Variants in ARHGEF10 observed in about 807,000 individuals in gnomAD.
ARHGEF10 encodes Rho guanine nucleotide exchange factor (GEF) 10.
Under a neutral mutation model 147.4 loss-of-function variants are expected in ARHGEF10, and 140 were observed. The ratio of observed to expected loss-of-function variants is 0.95; its 90% confidence interval spans 0.83 to 1.09. The LOEUF (loss-of-function observed/expected upper bound fraction) is 1.09, where lower values mean the gene tolerates loss of function less well. ARHGEF10 is among the 50% of genes least tolerant of loss of function. ARHGEF10 has a pLI of 0.00. For missense variants in ARHGEF10, 2,222 were observed against 1,752.7 expected (o/e 1.27, Z -4.78); for synonymous variants, 902 against 695.8 (o/e 1.30, Z -4.67).
chr8:1,883,541 G>A (rs1370543232), intron 10 of ARHGEF10, among the ~76,000 whole-genome samples: 1 of 152,170 alleles, frequency 6.6e-6, no homozygotes, highest in Non-Finnish European at 1.5e-5. Flanking sequence ...CCTCGGATAC[G>A]ATGTGTAATT....
At chr8:1,926,521 G>T in intron 23 of ARHGEF10, 58 bp downstream of exon 23, 1 of 1,494,504 alleles carries the variant, frequency 6.7e-7, no homozygotes. Flanking sequence ...GTTCATGGTC[G>T]GTGTGATGAG....
chr8:1,944,256 G>A (rs1032344468), intron 26 of ARHGEF10, among the ~76,000 whole-genome samples: 5 of 150,680 alleles, frequency 3.3e-5, no homozygotes, highest in African/African-American at 7.4e-5. Flanking sequence ...GCACCGTGTC[G>A]CCTCCCTCGG....
rs776912475 is a variant in ARHGEF10, at chr8:1,866,529, A to C, written c.549A>C (p.Glu183Asp). Residue 183 changes from glutamate to aspartate, a missense_variant, in exon 6 of 29, where the codon GAA becomes GAC. Coordinates refer to ENST00000349830, the MANE Select transcript of ARHGEF10 (RefSeq NM_014629.4). ...SLSSEEPPTS[E>D]DQVGREDSAL... is the part of the protein sequence containing the mutation. ...TTTATGGTTTGTTTTCTTTAAGTGA[A>C]GATCAAGTCGGTCGAGAGGACAGCG... 25 of 1,611,790 alleles carry C rather than the reference A, an allele frequency of 1.6e-5. No individual in the cohort carries two copies. In the East Asian group the frequency reaches 5.6e-4, roughly 36 times the overall value.
At chr8:1,929,775 T>C (rs983303620) in intron 25 of ARHGEF10, among the ~76,000 whole-genome samples, 1 of 152,190 alleles carries the variant, frequency 6.6e-6, no homozygotes, top group Non-Finnish European at 1.5e-5. Context: ...CTGAGCAGCC[T>C]GCCCGCCCGG....
intron 1 of ARHGEF10, among the ~76,000 whole-genome samples, chr8:1,829,095 C>G (rs2129032041): frequency 6.6e-6 from 1 of 152,372 alleles, no homozygotes; most frequent in South Asian, 2.1e-4. Flanking sequence ...GGGGGGCGGC[C>G]AACCAGCCCG....
rs1805689809 is a variant in ARHGEF10 at position 1,857,899 on chromosome 8, T to G, written c.38-61T>G. 4 of 1,206,514 alleles carry G rather than the reference T, an allele frequency of 3.3e-6. No homozygotes were observed. The Admixed American group carries it at 5.4e-5, about 16-fold the overall frequency. 74.7% of individuals were successfully genotyped at this position (1,206,514 alleles called of 1,614,324 possible). Reference sequence around the variant, plus strand: ...CGATCGATCTATCTATCTATCTATCTATCTATCTATCTATCTATCTATCTA... The same window carrying G: ...CGATCGATCTATCTATCTATCTATCGATCTATCTATCTATCTATCTATCTA... On this transcript the variant is annotated intron_variant, in intron 2 of 28. Transcript: ENST00000349830.
At chr8:1,868,948 C>G (rs1806848775) in intron 6 of ARHGEF10, among the ~76,000 whole-genome samples, 1 of 152,036 alleles carries the variant, frequency 6.6e-6, no homozygotes, top group Admixed American at 6.5e-5. Flanking sequence ...TCCTTCATTC[C>G]CAATAAATTA....
At chr8:1,872,841 C>G (rs1807243259) in intron 7 of ARHGEF10, among the ~76,000 whole-genome samples, 1 of 152,196 alleles carries the variant, frequency 6.6e-6, no homozygotes, top group African/African-American at 2.4e-5. Flanking sequence ...GGAGGTGTGC[C>G]TGCTGTCATG....
chr8:1,882,527 C>A (rs949332898), intron 9 of ARHGEF10, 108 bp from the exon 10 acceptor site: 1 of 941,562 alleles, frequency 1.1e-6, no homozygotes, highest in Non-Finnish European at 1.7e-6. Context: ...GTGACACATG[C>A]GCTCACAAGA....
chr8:1,938,427 A>T (rs1316058125), intron 26 of ARHGEF10, among the ~76,000 whole-genome samples: 1 of 152,214 alleles, frequency 6.6e-6, no homozygotes, highest in East Asian at 1.9e-4. Context: ...TGCAATATGC[A>T]GTGCTCTTGA....
At chr8:1,901,416 G>C (rs1810449793) in intron 15 of ARHGEF10, among the ~76,000 whole-genome samples, 1 of 152,170 alleles carries the variant, frequency 6.6e-6, no homozygotes, top group South Asian at 2.1e-4. Flanking sequence ...CTGTCCCCTG[G>C]CTCAGGCAGT....
chr8:1,880,073 A>G lies in ARHGEF10; in HGVS notation c.869A>G (p.Lys290Arg). ...CTTTCTCATGACCTAACCCGTTTAA[A>G]GGAGCACTATGAGAAAAAGATGAGA... ...KQLSHDLTRL[K>R]EHYEKKMRDL... The change falls in exon 9 of 29, where the codon AAG becomes AGG. Residue 290 changes from lysine to arginine, a missense_variant. Lys to Arg is a conservative substitution (Grantham distance 26). Transcript: ENST00000349830. 2 of 1,613,836 alleles carry G rather than the reference A, an allele frequency of 1.2e-6. No homozygotes were observed. Among genetic ancestry groups the G allele is most frequent in the East Asian group, 2.2e-5 (1 of 44,880 alleles).
At chr8:1,858,943 T>C (rs1374646965) in intron 3 of ARHGEF10, 1 of 181,912 alleles carries the variant, frequency 5.5e-6, no homozygotes, top group African/African-American at 2.4e-5. Flanking sequence ...CCTCTTGGCT[T>C]GTACCGTGTT....
intron 28 of ARHGEF10, among the ~76,000 whole-genome samples, chr8:1,953,678 A>G (rs1815245577): frequency 6.6e-6 from 1 of 152,204 alleles, no homozygotes; most frequent in South Asian, 2.1e-4. Flanking sequence ...GTAATGACGG[A>G]TTGGGCCATT....
At chr8:1,938,461 AAG>A (rs1019985053) in intron 26 of ARHGEF10, among the ~76,000 whole-genome samples, 16 of 152,344 alleles carry the variant, frequency 1.1e-4, no homozygotes, top group African/African-American at 2.4e-4. Flanking sequence ...GAAGGAAGGA[AAG>A]AGAGGAAAAA....
chr8:1,856,452 CA>C (rs1308637394), intron 2 of ARHGEF10, among the ~76,000 whole-genome samples: 1 of 152,162 alleles, frequency 6.6e-6, no homozygotes, highest in Non-Finnish European at 1.5e-5. Flanking sequence ...CTGTTTCCTT[CA>C]AAAGGCACTC....
At chr8:1,903,219 G>A (rs532402009) in intron 15 of ARHGEF10, 62 bp from the exon 16 acceptor site, 35 of 1,594,714 alleles carry the variant, frequency 2.2e-5, no homozygotes, top group East Asian at 1.8e-4. Context: ...CGGGTGACGC[G>A]ACTGTTGTTG....
At chr8:1,861,343 C>T (rs1275579395) in intron 4 of ARHGEF10, among the ~76,000 whole-genome samples, 1 of 152,242 alleles carries the variant, frequency 6.6e-6, no homozygotes, top group East Asian at 1.9e-4. Context: ...AGCCCAAGGG[C>T]TGGGGCCTCC....
chr8:1,844,727 A>G (rs1256859390), intron 2 of ARHGEF10, among the ~76,000 whole-genome samples: 2 of 152,044 alleles, frequency 1.3e-5, no homozygotes, highest in Non-Finnish European at 2.9e-5. Context: ...CAGTTCACTT[A>G]CGTGTGGATT....
Sources: gnomAD v4.1 joint callset for allele counts (sites outside exome capture counted in the v4.1 genomes callset) on GRCh38, gnomAD v4.1.1 for gene constraint, MANE v1.5 for transcripts, NCBI Gene and HGNC (gene_info 2026-07-23, HGNC 2026-07-21) for gene names.